Variants in CCDC9 observed in about 807,000 individuals in gnomAD.
CCDC9 encodes coiled-coil domain-containing protein 9.
In CCDC9, 52 loss-of-function variants were observed where a neutral mutation model predicts 65.6. The ratio of observed to expected loss-of-function variants is 0.79; its 90% CI spans 0.63 to 1.00. The LOEUF is 1.00. Among genes scored for constraint, CCDC9 ranks in the 50% least tolerant of loss-of-function variants. The pLI, the probability that CCDC9 is intolerant of heterozygous loss-of-function variation, is 0.00. For synonymous variants in CCDC9, 332 were observed against 280.3 expected, an observed-to-expected ratio of 1.18 and a Z score of -1.84; for missense variants, 834 against 757.2, an observed-to-expected ratio of 1.10 and a Z score of -1.19.
At chr19:47,257,883 G>A (rs2059021232) in intron 1 of CCDC9, 1 of 164,030 alleles carries the variant, frequency 6.1e-6, no homozygotes, top group Non-Finnish European at 1.3e-5. Flanking sequence ...GCCTGGATAT[G>A]AGAGGCACCA....
chr19:47,258,591 G>A lies in CCDC9; in HGVS notation c.36G>A (p.Glu12=). The part of the protein sequence containing the change: ...AATLDLKSKE[E]KDAELDKRIE... Reference sequence around the variant, plus strand: ...CACTCGATTTGAAATCAAAGGAGGAGAAGGATGCTGAGTTGGACAAGAGGA... The same window carrying A: ...CACTCGATTTGAAATCAAAGGAGGAAAAGGATGCTGAGTTGGACAAGAGGA... The change falls in exon 3 of 12, where the codon GAG becomes GAA. Residue 12 remains glutamate, a synonymous_variant. Transcript: ENST00000221922. 1.9e-6 allele frequency: 3 copies of A among 1,614,164 alleles called. No homozygotes were observed. The highest frequency in any genetic ancestry group is 1.7e-6 in the Non-Finnish European group (2 of 1,180,010).
chr19:47,270,883 C>G (rs932276638), intron 10 of CCDC9, among the ~76,000 whole-genome samples, 195 bp downstream of exon 10: 1 of 152,106 alleles, frequency 6.6e-6, no homozygotes, highest in South Asian at 2.1e-4. Context: ...CCCTTTCTGC[C>G]GTCACCCATC....
chr19:47,266,829 G>C (rs1417342396), intron 8 of CCDC9, 37 bp downstream of exon 8: 1 of 1,571,960 alleles, frequency 6.4e-7, no homozygotes, highest in Non-Finnish European at 8.6e-7. Context: ...CATGTGGCAC[G>C]TTGACCTTGG....
chr19:47,258,309 T>G lies in CCDC9; in HGVS notation c.-71-21T>G. The G allele has an allele frequency of 2.8e-6, 4 of 1,418,236 alleles. No individual in the cohort carries two copies. In the South Asian group the frequency reaches 4.6e-5, roughly 16 times the overall value. 87.9% of individuals were successfully genotyped at this position (1,418,236 alleles called of 1,614,324 possible). A position where few individuals can be genotyped will look rare whatever the true frequency, so the allele number is the denominator to read the frequency against. ...GTTGGGGGGCCATTGGCCTTTGTCCTTTTTTTCCCTCTGTCCCCAGGAACC... is the reference window on the plus strand; with the variant it reads ...GTTGGGGGGCCATTGGCCTTTGTCCGTTTTTTCCCTCTGTCCCCAGGAACC... On this transcript the variant is annotated intron_variant, in intron 1 of 11. Coordinates refer to ENST00000221922, the MANE Select transcript of CCDC9 (RefSeq NM_015603.3).
At chr19:47,272,277 A>G, downstream of CCDC9, 2 of 620,110 alleles carry the variant, frequency 3.2e-6, no homozygotes, top group Non-Finnish European at 4.5e-6. Flanking sequence ...GTTGGACCAT[A>G]GAGGTGAGGT....
At chr19:47,270,504 G>GGT (rs758961738) in intron 9 of CCDC9, 49 bp from the exon 10 acceptor site, 1 of 1,614,166 alleles carries the variant, frequency 6.2e-7, no homozygotes, top group Non-Finnish European at 8.5e-7. Context: ...AGTCAGGGGT[G>GGT]GTGTGTGCCA....
At chr19:47,265,806 G>T (rs2059077992) in intron 7 of CCDC9, among the ~76,000 whole-genome samples, 1 of 150,586 alleles carries the variant, frequency 6.6e-6, no homozygotes, top group Admixed American at 6.7e-5. Context: ...TCCTGCCTCA[G>T]CCTCCCCAGT....
At chr19:47,270,911 C>T (rs890654790) in intron 10 of CCDC9, among the ~76,000 whole-genome samples, 171 bp from the exon 11 acceptor site, 1 of 152,118 alleles carries the variant, frequency 6.6e-6, no homozygotes, top group Non-Finnish European at 1.5e-5. Flanking sequence ...CTGCTACCTG[C>T]CCCACTTTCG....
At chr19:47,257,013 T>C (rs2059014302) in intron 1 of CCDC9, among the ~76,000 whole-genome samples, 1 of 49,810 alleles carries the variant, frequency 2.0e-5, no homozygotes, top group Non-Finnish European at 3.9e-5. Context: ...GCTGACGCAA[T>C]GGCGGGGGCG....
rs1158302196 is a variant in CCDC9 at position 47,265,984 on chromosome 19, CTTT to C, written c.721-600_721-598del. On this transcript the variant is annotated intron_variant, in intron 7 of 11. Transcript: ENST00000221922. ...TACAGGCGTGAGCCACCGCTCCTGG[CTTT>C]TTTTTTTTTTTTTTTTTTTTTTTTT... is the stretch of plus-strand genomic sequence containing the variant. Among the ~76,000 whole-genome samples, 292 of 72,624 alleles carry C rather than the reference CTTT, an allele frequency of 4.0e-3. 37 individuals are homozygous for C. The highest frequency in any genetic ancestry group is 0.013 in the Middle Eastern group (1 of 78). The allele number at this position is 72,624 out of a possible 152,430, so 47.6% of individuals were successfully genotyped here.
rs1386821576 is a variant in CCDC9, at chr19:47,270,682, C to T, written c.1079C>T (p.Ala360Val). The T allele has an allele frequency of 7.5e-6, 12 of 1,610,544 alleles. No homozygotes were observed. In the African/African-American group the frequency reaches 1.5e-4, roughly 20 times the overall value. ...CCCCAGGCCAAGGCAGCGCCCAGGG[C>T]CTACAGGTGGGGCACCCCTTCTGCG... is the stretch of plus-strand genomic sequence containing the variant. ...SRPQAKAAPR[A>V]YSDHDDRWET... is the part of the protein sequence containing the mutation. Residue 360 changes from alanine (A) to valine (V), a missense_variant, in exon 10 of 12, where the codon GCC becomes GTC. Physicochemically the swap from Ala to Val is moderately conservative, Grantham distance 64. Transcript: ENST00000221922.
At chr19:47,269,099 C>G (rs1382635843) in intron 8 of CCDC9, among the ~76,000 whole-genome samples, 1 of 151,924 alleles carries the variant, frequency 6.6e-6, no homozygotes, top group East Asian at 1.9e-4. Flanking sequence ...GAGCAAGACC[C>G]TATCTCTAAG....
At chr19:47,261,223 C>T (rs2059043781) in intron 5 of CCDC9, among the ~76,000 whole-genome samples, 1 of 152,060 alleles carries the variant, frequency 6.6e-6, no homozygotes, top group African/African-American at 2.4e-5. Context: ...CCCACTCATC[C>T]TCCGTCCCCA....
At chr19:47,260,976 G>A (rs2059041611) in intron 5 of CCDC9, 137 bp downstream of exon 5, 1 of 1,012,116 alleles carries the variant, frequency 9.9e-7, no homozygotes. Context: ...ATCTGGCTCT[G>A]TTTCTCTCTT....
At chr19:47,275,175 C>T (rs1228964950), downstream of CCDC9, 8 of 1,464,464 alleles carry the variant, frequency 5.5e-6, no homozygotes, top group East Asian at 2.8e-5. Flanking sequence ...GCCGCCTGTC[C>T]CGGCGCCCGC....
chr19:47,273,574 A>G, downstream of CCDC9: 1 of 421,480 alleles, frequency 2.4e-6, no homozygotes, highest in Non-Finnish European at 4.0e-6. Context: ...CTAAGGGGGG[A>G]GGAGCCAGGG....
chr19:47,258,067 TG>T, intron 1 of CCDC9: 1 of 416,810 alleles, frequency 2.4e-6, no homozygotes, highest in South Asian at 2.6e-5. Flanking sequence ...AAGCAGTGGG[TG>T]GGGGCCAGAA....
intron 5 of CCDC9, among the ~76,000 whole-genome samples, chr19:47,263,477 T>C (rs2059059121): frequency 6.6e-6 from 1 of 152,222 alleles, no homozygotes. Context: ...ACATGTGGCT[T>C]ACCAGGGATG....
intron 3 of CCDC9, 100 bp downstream of exon 3, chr19:47,258,763 A>G: frequency 1.2e-6 from 1 of 852,510 alleles, no homozygotes; most frequent in Non-Finnish European, 2.0e-6. Context: ...GCTCCCCATC[A>G]CTGTCAGGAT....
Sources: allele counts gnomAD v4.1 joint callset (sites outside exome capture counted in the v4.1 genomes callset), GRCh38; gene constraint gnomAD v4.1.1; transcripts MANE v1.5; gene names NCBI Gene and HGNC (gene_info 2026-07-23, HGNC 2026-07-21).